XKR6: variants seen among roughly 807,000 people sequenced by gnomAD.
XKR6 encodes the protein XK-related protein 6.
Under a neutral mutation model 56.7 loss-of-function variants are expected in XKR6, and 22 were observed. The ratio of observed to expected loss-of-function variants is 0.39; its 90% confidence interval spans 0.28 to 0.55. The LOEUF (loss-of-function observed/expected upper bound fraction) is 0.55, where lower values mean the gene tolerates loss of function less well. XKR6 is among the 20% of genes least tolerant of loss of function. XKR6 has a pLI of 0.66. For synonymous variants in XKR6, 524 were observed against 387.8 expected (o/e 1.35, Z -4.13); for missense variants, 852 against 889.0 (o/e 0.96, Z 0.53).
At chr8:11,005,954 G>A (rs1051264575) in intron 1 of XKR6, among the ~76,000 whole-genome samples, 2 of 145,180 alleles carry the variant, frequency 1.4e-5, no homozygotes, top group Non-Finnish European at 1.5e-5. Context: ...AACTATTCTC[G>A]TGCCTCAGCC....
Position 11,057,628 on chromosome 8 carries a change from T to C in XKR6, c.765-132798A>G, listed in dbSNP as rs1414693273. On this transcript the variant is annotated intron_variant, in intron 1 of 2. Transcript: ENST00000416569. ...TGTAGTTTTGTTCAGCAGGAGTCCC[T>C]GTGTTGGGTGGAATGAAGGAAGGAC... is the stretch of plus-strand genomic sequence containing the variant. Among the ~76,000 whole-genome samples, 3 of 152,174 alleles carry C rather than the reference T, an allele frequency of 2.0e-5. 1 individual carries two copies. Among genetic ancestry groups the C allele is most frequent in the Non-Finnish European group, 4.4e-5 (3 of 68,022 alleles).
intron 1 of XKR6, among the ~76,000 whole-genome samples, chr8:11,118,896 A>C (rs1338526002): frequency 2.0e-5 from 3 of 151,856 alleles, no homozygotes; most frequent in African/African-American, 7.3e-5. Flanking sequence ...TTTAATTGTG[A>C]TGTTAGGGTG....
At position 11,201,050 on chromosome 8, in the gene XKR6, G is replaced by A; in HGVS notation, c.290C>T (p.Pro97Leu). 1 of 1,230,416 alleles carries A rather than the reference G, an allele frequency of 8.1e-7. No homozygotes were observed. The highest frequency in any genetic ancestry group is 1.0e-6 in the Non-Finnish European group (1 of 989,888). 76.2% of individuals were successfully genotyped at this position (1,230,416 alleles called of 1,614,324 possible). A position where few individuals can be genotyped will look rare whatever the true frequency, so the allele number is the denominator to read the frequency against. Residue 97 changes from proline (P) to leucine (L), a missense_variant, in exon 1 of 3, where the codon CCT (proline) becomes CTT (leucine). Physicochemically the swap from Pro to Leu is moderately conservative, Grantham distance 98. This residue lies in a region of XKR6 where 417 missense variants were observed against 355.2 expected (regional missense o/e 1.17). Transcript: ENST00000416569. ...GCGGCCGGCGCCGGGGGCCGCGGGA[G>A]GCTGCAGCGGCTGGTCCCCCCCGTC... The part of the protein sequence containing the change: ...AADGGDQPLQ[P>L]PAAPGAGRQP...
At chr8:11,030,710 C>G (rs1798973624) in intron 1 of XKR6, among the ~76,000 whole-genome samples, 2 of 152,102 alleles carry the variant, frequency 1.3e-5, no homozygotes, top group South Asian at 4.2e-4. Flanking sequence ...ACAGCATCCC[C>G]CTAATGGGCG....
intron 1 of XKR6, among the ~76,000 whole-genome samples, chr8:10,995,477 C>T (rs546882564): frequency 8.3e-4 from 119 of 143,138 alleles, no homozygotes; most frequent in African/African-American, 3.0e-3. Flanking sequence ...ACATATAAAA[C>T]CCTATATCAT....
chr8:11,070,563 G>A (rs1179830469), intron 1 of XKR6, among the ~76,000 whole-genome samples: 2 of 152,152 alleles, frequency 1.3e-5, no homozygotes, highest in African/African-American at 4.8e-5. Context: ...TAGTCTTTAG[G>A]CTGGTTCCAT....
At chr8:11,164,591 A>T (rs1245469434) in intron 1 of XKR6, among the ~76,000 whole-genome samples, 1 of 152,232 alleles carries the variant, frequency 6.6e-6, no homozygotes, top group African/African-American at 2.4e-5. Context: ...GCATTACATT[A>T]TAAGGTATGT....
At chr8:11,042,642 G>A (rs1375241456) in intron 1 of XKR6, among the ~76,000 whole-genome samples, 2 of 152,208 alleles carry the variant, frequency 1.3e-5, no homozygotes, top group African/African-American at 2.4e-5. Context: ...AAATGGATTA[G>A]TACAACATCC....
intron 1 of XKR6, among the ~76,000 whole-genome samples, chr8:11,058,432 C>A (rs752782425): frequency 1.3e-5 from 2 of 152,146 alleles, no homozygotes; most frequent in African/African-American, 4.8e-5. Context: ...GTAAATGAAC[C>A]AACCCAAATG....
intron 1 of XKR6, chr8:11,106,326 G>C (rs371068612): frequency 6.6e-6 from 1 of 152,044 alleles, no homozygotes; most frequent in African/African-American, 2.4e-5. Flanking sequence ...GTCATACATG[G>C]GTCTCTTCAA....
At chr8:11,147,326 T>G (rs763958105) in intron 1 of XKR6, among the ~76,000 whole-genome samples, 12 of 151,970 alleles carry the variant, frequency 7.9e-5, no homozygotes, top group Admixed American at 2.0e-4. Context: ...GCCAAACAAC[T>G]CAAAACATGT....
chr8:10,917,153 G>C (rs963441829), intron 2 of XKR6, among the ~76,000 whole-genome samples: 12 of 152,100 alleles, frequency 7.9e-5, no homozygotes, highest in African/African-American at 2.7e-4. Flanking sequence ...CCCTCTGGGA[G>C]AGGCATGGCA....
At chr8:11,186,157 C>A (rs184965212) in intron 1 of XKR6, among the ~76,000 whole-genome samples, 9 of 152,114 alleles carry the variant, frequency 5.9e-5, no homozygotes, top group Admixed American at 4.6e-4. Flanking sequence ...TTTTTTTATA[C>A]ATACACACAC....
chr8:11,130,019 C>G (rs78471843), intron 1 of XKR6, among the ~76,000 whole-genome samples: 7 of 152,212 alleles, frequency 4.6e-5, no homozygotes, highest in Non-Finnish European at 7.3e-5. Flanking sequence ...CAGAGAAGAT[C>G]TGACAATAAA....
At position 10,898,156 on chromosome 8, in the gene XKR6, C is replaced by G. The variant is rs1295721234; in HGVS notation, c.1722G>C (p.Leu574Phe). 3 of 1,614,028 alleles carry G rather than the reference C, an allele frequency of 1.9e-6. No homozygotes were observed. ...GCCCTTCTGGGAGGTAAGGACGCCC[C>G]AACGGGGTAGGGGGCCCCATGGGTC... ...QVRPMGPPTP[L>F]GRPYLPEGPL... The change falls in exon 3 of 3, where the codon TTG becomes TTC. Residue 574 changes from leucine to phenylalanine, a missense_variant. By Grantham distance (22) the Leu-to-Phe change is conservative. Coordinates refer to ENST00000416569, the MANE Select transcript of XKR6 (RefSeq NM_173683.4). This position sits in a 1 kb window ranked among gnomAD's most constrained non-coding sequence, Gnocchi z 6.6.
intron 1 of XKR6, among the ~76,000 whole-genome samples, chr8:11,112,595 G>C (rs1262891306): frequency 6.6e-6 from 1 of 152,146 alleles, no homozygotes; most frequent in Non-Finnish European, 1.5e-5. Context: ...AGAAAATCAA[G>C]AGTTCAGAGT....
chr8:11,025,058 G>A (rs891659232), intron 1 of XKR6, among the ~76,000 whole-genome samples: 1 of 152,210 alleles, frequency 6.6e-6, no homozygotes, highest in Non-Finnish European at 1.5e-5. Context: ...ATGGGAACAA[G>A]GGATCCCCCC....
chr8:11,143,009 T>C (rs533975211), intron 1 of XKR6, among the ~76,000 whole-genome samples: 4 of 152,178 alleles, frequency 2.6e-5, no homozygotes, highest in Non-Finnish European at 5.9e-5. Context: ...GAATCAAATA[T>C]TCATCTTGAC....
At chr8:11,167,437 T>G (rs1239263489) in intron 1 of XKR6, among the ~76,000 whole-genome samples, 1 of 152,206 alleles carries the variant, frequency 6.6e-6, no homozygotes, top group South Asian at 2.1e-4. Flanking sequence ...ACAAGGTTCA[T>G]GCTTAAAACT....
Sources: allele counts gnomAD v4.1 joint callset (sites outside exome capture counted in the v4.1 genomes callset), GRCh38; gene constraint gnomAD v4.1.1; regional missense constraint gnomAD v4.1.1; non-coding constraint Gnocchi (gnomAD v3.1); transcripts MANE v1.5; gene names NCBI Gene and HGNC (gene_info 2026-07-23, HGNC 2026-07-21).